The following NUP214 variants were observed in gnomAD, a reference collection of about 807,000 sequenced individuals.
NUP214 encodes the protein nucleoporin 214, also known as nuclear pore complex protein Nup214.
In NUP214, 79 loss-of-function variants were observed where a neutral mutation model predicts 196.2. The observed-to-expected ratio is 0.40, with a 90% confidence interval of 0.34 to 0.49. The LOEUF (loss-of-function observed/expected upper bound fraction) is 0.49, where lower values mean the gene tolerates loss of function less well. NUP214 is among the 20% of genes least tolerant of loss of function. The pLI is 0.58. For synonymous variants in NUP214, 1,020 were observed against 990.5 expected (o/e 1.03, Z -0.56); for missense variants, 2,468 against 2,539.0 (o/e 0.97, Z 0.60).
intron 17 of NUP214, among the ~76,000 whole-genome samples, chr9:131,153,949 G>A (rs1212557985): frequency 2.6e-5 from 4 of 152,206 alleles, no homozygotes; most frequent in East Asian, 1.9e-4. Flanking sequence ...GGGAGCAGCC[G>A]AGCCAGAGAA....
Position 131,151,860 on chromosome 9 carries a change from G to A in NUP214, c.2402G>A (p.Arg801Lys). The A allele has an allele frequency of 1.2e-6, 2 of 1,612,766 alleles. No homozygotes were observed. Among genetic ancestry groups the A allele is most frequent in the Non-Finnish European group, 1.7e-6 (2 of 1,179,696 alleles). ...DSGYLHLLYK[R>K]PLDPKSEAQL... ...GGTTATCTGCATTTGCTTTATAAAAGACCACTGGATCCCAAGAGTGAAGCT... is the reference window on the plus strand; with the variant it reads ...GGTTATCTGCATTTGCTTTATAAAAAACCACTGGATCCCAAGAGTGAAGCT... Residue 801 changes from arginine (R) to lysine (K), a missense_variant, in exon 17 of 36, where the codon AGA (arginine) becomes AAA (lysine). Transcript: ENST00000359428.
At chr9:131,195,141 G>T (rs1002968860) in intron 27 of NUP214, 92 bp from the exon 28 acceptor site, 1 of 902,210 alleles carries the variant, frequency 1.1e-6, no homozygotes, top group Non-Finnish European at 1.7e-6. Flanking sequence ...CCTGAGGGCG[G>T]TTTGTATGAA....
rs370624782 is a variant in NUP214 at position 131,130,896 on chromosome 9, T to A, written c.663+60T>A. 6.4e-5 allele frequency: 85 copies of A among 1,331,306 alleles called. No homozygotes were observed. In the East Asian group the frequency reaches 1.1e-3, roughly 18 times the overall value. The allele number at this position is 1,331,306 out of a possible 1,614,324, so 82.5% of individuals were successfully genotyped here. On this transcript the variant is annotated intron_variant, in intron 5 of 35. Transcript: ENST00000359428. Reference sequence around the variant, plus strand: ...AAGTTGCCCACTTTTTTGGGGGTGGTTTGGGAGTATCTTTCTTGTTTTTCC... The same window carrying A: ...AAGTTGCCCACTTTTTTGGGGGTGGATTGGGAGTATCTTTCTTGTTTTTCC...
At chr9:131,187,977 T>C (rs1194328346) in intron 25 of NUP214, among the ~76,000 whole-genome samples, 1 of 152,250 alleles carries the variant, frequency 6.6e-6, no homozygotes, top group Non-Finnish European at 1.5e-5. Context: ...TTTCACATTA[T>C]CTCAGTTAAC....
intron 11 of NUP214, 111 bp downstream of exon 11, chr9:131,140,821 GGTCT>G (rs1564181358): frequency 8.8e-7 from 1 of 1,141,296 alleles, no homozygotes; most frequent in Non-Finnish European, 1.2e-6. Context: ...TTACCAGCCT[GGTCT>G]GTCTTAGGAA....
intron 9 of NUP214, among the ~76,000 whole-genome samples, chr9:131,138,450 C>A (rs1588126170): frequency 2.0e-5 from 3 of 151,822 alleles, no homozygotes; most frequent in African/African-American, 7.3e-5. Context: ...ACTCCTGACC[C>A]CAGGTGATCC....
At chr9:131,209,625 C>T (rs564238663) in intron 30 of NUP214, among the ~76,000 whole-genome samples, 1 of 152,128 alleles carries the variant, frequency 6.6e-6, no homozygotes, top group Non-Finnish European at 1.5e-5. Flanking sequence ...AACTCCTCAC[C>T]TTAGGTGATC....
rs1165614853 is a variant in NUP214 at position 131,233,316 on chromosome 9, A to G, written c.6240-138A>G. ...ACGCCACTGCACTCCAGCCTGGGCA[A>G]TAGAGTGAGACTCTGTATCAAAAAA... On this transcript the variant is annotated intron_variant, in intron 35 of 35. Coordinates refer to ENST00000359428, the MANE Select transcript of NUP214 (RefSeq NM_005085.4). 5.1e-6 allele frequency: 4 copies of G among 791,204 alleles called. No homozygotes were observed. The Admixed American group carries it at 1.3e-4, about 26-fold the overall frequency. The allele number at this position is 791,204 out of a possible 1,614,324, so 49.0% of individuals were successfully genotyped here.
At chr9:131,223,970 G>A (rs1834656844) in intron 32 of NUP214, among the ~76,000 whole-genome samples, 2 of 150,604 alleles carry the variant, frequency 1.3e-5, no homozygotes, top group Admixed American at 6.6e-5. Flanking sequence ...TCCTGACCTC[G>A]TGATCCGCCC....
chr9:131,209,831 G>T (rs1834186768), intron 30 of NUP214, among the ~76,000 whole-genome samples: 1 of 152,110 alleles, frequency 6.6e-6, no homozygotes, highest in Non-Finnish European at 1.5e-5. Context: ...AGGAACTAAA[G>T]CAGCACTAAA....
chr9:131,132,587 C>A lies in NUP214; in HGVS notation c.664-9C>A, dbSNP rs772494824. On this transcript the variant is annotated splice_polypyrimidine_tract_variant and intron_variant, in intron 5 of 35. Transcript: ENST00000359428. ...TGATACTTTATTTTCCCCTCCAAAT[C>A]TCTTTCAGACTTTGCAGGAAAAAAA... 15 of 1,611,888 alleles carry A rather than the reference C, an allele frequency of 9.3e-6. No individual in the cohort carries two copies. The South Asian group carries it at 1.4e-4, about 15-fold the overall frequency.
intron 30 of NUP214, among the ~76,000 whole-genome samples, chr9:131,212,019 T>A (rs1834256560): frequency 6.6e-6 from 1 of 152,186 alleles, no homozygotes; most frequent in South Asian, 2.1e-4. Flanking sequence ...ACTGAGTTCT[T>A]TTTCTCAGCA....
rs1588184048 is a variant in NUP214, at chr9:131,230,686, C to G, written c.6131C>G (p.Pro2044Arg). 1.2e-6 allele frequency: 2 copies of G among 1,614,132 alleles called. No homozygotes were observed. Among genetic ancestry groups the G allele is most frequent in the African/African-American group, 2.7e-5 (2 of 75,034 alleles). Residue 2044 changes from proline to arginine, a missense_variant, in exon 34 of 36, where the codon CCC becomes CGC. Physicochemically the swap from Pro to Arg is moderately radical, Grantham distance 103 (BLOSUM62 -2). This residue lies in a region of NUP214 where 262 missense variants were observed against 296.5 expected (regional missense o/e 0.88). Transcript: ENST00000359428. The part of the protein sequence containing the change: ...SFGTLASQNA[P>R]TFGSLSQQTS... Reference sequence around the variant, plus strand: ...GGCACGCTCGCGAGTCAGAATGCCCCCACTTTCGGATCACTGTCCCAACAG... The same window carrying G: ...GGCACGCTCGCGAGTCAGAATGCCCGCACTTTCGGATCACTGTCCCAACAG...
Position 131,192,271 on chromosome 9 carries a change from C to A in NUP214, c.3638C>A (p.Pro1213His), listed in dbSNP as rs757670025. 1 of 1,577,576 alleles carries A rather than the reference C, an allele frequency of 6.3e-7. No individual in the cohort carries two copies. Among genetic ancestry groups the A allele is most frequent in the Non-Finnish European group, 8.6e-7 (1 of 1,160,536 alleles). Residue 1213 changes from proline to histidine, a missense_variant, in exon 27 of 36, where the codon CCT (proline) becomes CAT (histidine). Physicochemically the swap from Pro to His is moderately conservative, Grantham distance 77. Around this residue, in one of 5 missense-constraint regions of NUP214, gnomAD observed 1,801 missense variants for 1,779.4 expected, o/e 1.01. Coordinates refer to ENST00000359428, the MANE Select transcript of NUP214 (RefSeq NM_005085.4). ...TPSASGQFSKPFSFSPSGTGF... is the reference protein window; with the variant it reads ...TPSASGQFSKHFSFSPSGTGF... ...TCTGCTTCTGGGCAGTTCAGCAAGCCTTTCTCATTTTCTCCATCAGGGTCA... is the reference window on the plus strand; with the variant it reads ...TCTGCTTCTGGGCAGTTCAGCAAGCATTTCTCATTTTCTCCATCAGGGTCA...
intron 33 of NUP214, 133 bp from the exon 34 acceptor site, chr9:131,230,497 A>G (rs1834843892): frequency 2.0e-6 from 2 of 1,024,584 alleles, no homozygotes; most frequent in African/African-American, 3.2e-5. Flanking sequence ...AAAGGCTGCT[A>G]GTTAGGCCCA....
In NUP214 at chr9:131,190,619, A is replaced by G. The variant is rs139923871; in HGVS notation, c.3574+1488A>G. 819 of 540,104 alleles carry G rather than the reference A, an allele frequency of 1.5e-3. 5 individuals carry two copies. The highest frequency in any genetic ancestry group is 0.015 in the African/African-American group (746 of 51,070). 33.5% of individuals were successfully genotyped at this position (540,104 alleles called of 1,614,324 possible). On this transcript the variant is annotated intron_variant, in intron 26 of 35. Coordinates refer to ENST00000359428, the MANE Select transcript of NUP214 (RefSeq NM_005085.4). ...CTAGAGAATAGTTCTCTTATTAGTA[A>G]TGGAAATACCTTCATTGTTTTTCTG...
chr9:131,155,695 G>A (rs1024797864), intron 17 of NUP214, among the ~76,000 whole-genome samples: 6 of 152,278 alleles, frequency 3.9e-5, no homozygotes, highest in Non-Finnish European at 7.4e-5. Context: ...TCTTTTACAT[G>A]TGGCTTGCCA....
intron 31 of NUP214, among the ~76,000 whole-genome samples, chr9:131,219,161 C>A (rs1186100331): frequency 6.6e-6 from 1 of 152,124 alleles, no homozygotes; most frequent in Non-Finnish European, 1.5e-5. Context: ...CCACTTCTTA[C>A]AACAGTGCTT....
chr9:131,192,166 A>C (rs1171589010), intron 26 of NUP214, 42 bp from the exon 27 acceptor site: 5 of 725,708 alleles, frequency 6.9e-6, no homozygotes, highest in Non-Finnish European at 9.3e-6. Context: ...TTTTTGTAAT[A>C]TTCTTTTTTT....
Sources: allele counts gnomAD v4.1 joint callset (sites outside exome capture counted in the v4.1 genomes callset), GRCh38; gene constraint gnomAD v4.1.1; regional missense constraint gnomAD v4.1.1; transcripts MANE v1.5; gene names NCBI Gene and HGNC (gene_info 2026-07-23, HGNC 2026-07-21).